The following ALPK2 variants were observed in gnomAD, a reference collection of about 807,000 sequenced individuals.
The protein encoded by ALPK2 is alpha kinase 2.
In ALPK2, 127 loss-of-function variants were observed where a neutral mutation model predicts 163.1. The observed-to-expected ratio is 0.78, with a 90% confidence interval of 0.67 to 0.90. ALPK2 has a LOEUF of 0.90. ALPK2 is among the 40% of genes least tolerant of loss of function. ALPK2 has a pLI of 0.00. For synonymous variants in ALPK2, 953 were observed against 959.1 expected (o/e 0.99, Z 0.12); for missense variants, 2,360 against 2,589.6 (o/e 0.91, Z 1.92).
At chr18:58,531,935 CAAAAAAAAAAAA>C (rs35957271) in intron 5 of ALPK2, among the ~76,000 whole-genome samples, 4 of 49,618 alleles carry the variant, frequency 8.1e-5, no homozygotes, top group South Asian at 2.6e-3. Context: ...GGCTCCGTCT[CAAAAAAAAAAAA>C]AAAAAAAAAA....
chr18:58,497,673 C>T (rs1230001337), intron 12 of ALPK2, among the ~76,000 whole-genome samples: 1 of 152,078 alleles, frequency 6.6e-6, no homozygotes, highest in African/African-American at 2.4e-5. Context: ...CATTCAATTG[C>T]AAAAAAAATT....
At chr18:58,555,206 A>G (rs1291369826) in intron 4 of ALPK2, among the ~76,000 whole-genome samples, 2 of 152,242 alleles carry the variant, frequency 1.3e-5, no homozygotes, top group African/African-American at 4.8e-5. Flanking sequence ...TTCGAGTAAC[A>G]ACTGGTTAAG....
At chr18:58,573,356 A>ATG (rs201921906) in intron 4 of ALPK2, among the ~76,000 whole-genome samples, 3 of 139,178 alleles carry the variant, frequency 2.2e-5, no homozygotes, top group South Asian at 2.2e-4. Flanking sequence ...GTATATATAT[A>ATG]TGTGTGTGTA....
chr18:58,493,729 C>T (rs1046218321), intron 12 of ALPK2, among the ~76,000 whole-genome samples: 5 of 152,166 alleles, frequency 3.3e-5, no homozygotes, highest in Non-Finnish European at 7.3e-5. Flanking sequence ...ATGTCAGGGA[C>T]GCTTGACACA....
intron 10 of ALPK2, among the ~76,000 whole-genome samples, chr18:58,505,143 C>T (rs1410652694): frequency 6.6e-6 from 1 of 152,040 alleles, no homozygotes; most frequent in African/African-American, 2.4e-5. Context: ...AGATCACTGC[C>T]TCTCTGTGGA....
chr18:58,487,696 G>A (rs1054725755), intron 12 of ALPK2, among the ~76,000 whole-genome samples: 23 of 152,046 alleles, frequency 1.5e-4, no homozygotes, highest in Admixed American at 1.2e-3. Flanking sequence ...CTCTCACAAT[G>A]TCCAGAATTG....
intron 11 of ALPK2, among the ~76,000 whole-genome samples, chr18:58,498,994 A>T (rs1377794838): frequency 6.6e-6 from 1 of 152,110 alleles, no homozygotes; most frequent in Non-Finnish European, 1.5e-5. Flanking sequence ...TTCCATAAAG[A>T]TCGTTTTTCA....
At chr18:58,550,909 T>C (rs2051755957) in intron 4 of ALPK2, among the ~76,000 whole-genome samples, 1 of 144,378 alleles carries the variant, frequency 6.9e-6, no homozygotes, top group Admixed American at 6.8e-5. Flanking sequence ...CTCCATCACA[T>C]GCAACCCCAT....
intron 8 of ALPK2, among the ~76,000 whole-genome samples, chr18:58,519,654 A>C (rs2051539325): frequency 6.6e-6 from 1 of 152,206 alleles, no homozygotes; most frequent in South Asian, 2.1e-4. Context: ...TAAAAACATG[A>C]AAGAAAAAAA....
chr18:58,496,493 GA>G (rs2051401835), intron 12 of ALPK2, among the ~76,000 whole-genome samples: 1 of 152,214 alleles, frequency 6.6e-6, no homozygotes, highest in Non-Finnish European at 1.5e-5. Context: ...TGCAATCGGC[GA>G]GAACTTCATG....
chr18:58,503,765 T>C (rs921058540), intron 11 of ALPK2, among the ~76,000 whole-genome samples, 166 bp downstream of exon 11: 1 of 152,170 alleles, frequency 6.6e-6, no homozygotes, highest in Non-Finnish European at 1.5e-5. Context: ...CAGGCTCCTT[T>C]ATCAAATCTT....
chr18:58,566,799 C>T (rs8092887), intron 4 of ALPK2: 53,318 of 152,008 alleles, frequency 0.35, 9,617 homozygotes, highest in South Asian at 0.44. Context: ...ATTCCAGTCA[C>T]GAGTTTTTGT....
At chr18:58,617,375 C>T (rs917275540) in intron 1 of ALPK2, among the ~76,000 whole-genome samples, 5 of 151,884 alleles carry the variant, frequency 3.3e-5, no homozygotes, top group Admixed American at 6.6e-5. Context: ...TTAGTAGAGA[C>T]GGGGTTTCAC....
At chr18:58,604,130 T>C (rs1401579718) in intron 3 of ALPK2, among the ~76,000 whole-genome samples, 3 of 152,198 alleles carry the variant, frequency 2.0e-5, no homozygotes, top group African/African-American at 7.2e-5. Flanking sequence ...AGATTAGATT[T>C]GTTAAACCAA....
At chr18:58,578,147 A>G (rs1444697952) in intron 4 of ALPK2, 1 of 152,260 alleles carries the variant, frequency 6.6e-6, no homozygotes, top group East Asian at 1.9e-4. Flanking sequence ...AAGGGAAAAC[A>G]AATTTATTTC....
At chr18:58,525,051 G>A (rs1040211071) in intron 6 of ALPK2, among the ~76,000 whole-genome samples, 2 of 151,390 alleles carry the variant, frequency 1.3e-5, no homozygotes, top group African/African-American at 2.4e-5. Context: ...GTATGTATGT[G>A]TATACATGTG....
intron 3 of ALPK2, among the ~76,000 whole-genome samples, chr18:58,602,857 T>C (rs879676484): frequency 6.6e-6 from 1 of 152,220 alleles, no homozygotes; most frequent in Non-Finnish European, 1.5e-5. Flanking sequence ...GCAATGAAAG[T>C]GACCTCTGGT....
chr18:58,584,167 T>C (rs759460020), intron 3 of ALPK2, among the ~76,000 whole-genome samples: 2 of 152,228 alleles, frequency 1.3e-5, no homozygotes, highest in Non-Finnish European at 2.9e-5. Flanking sequence ...AAGAGATTTA[T>C]AATCCATCCT....
intron 3 of ALPK2, 99 bp downstream of exon 3, chr18:58,607,223 G>T: frequency 1.3e-6 from 1 of 772,206 alleles, no homozygotes. Flanking sequence ...GACTCTAGAA[G>T]CAAATATGAG....
Sources: allele counts gnomAD v4.1 joint callset (sites outside exome capture counted in the v4.1 genomes callset), GRCh38; gene constraint gnomAD v4.1.1; transcripts MANE v1.5; gene names NCBI Gene and HGNC (gene_info 2026-07-23, HGNC 2026-07-21).